The following PCDHGB2 variants were observed in gnomAD, a reference collection of about 807,000 sequenced individuals.
The protein encoded by PCDHGB2 is protocadherin gamma subfamily B, 2.
Under a neutral mutation model 59.3 loss-of-function variants are expected in PCDHGB2, and 55 were observed. The ratio of observed to expected loss-of-function variants is 0.93; its 90% CI spans 0.75 to 1.16. The LOEUF (loss-of-function observed/expected upper bound fraction) is 1.16, where lower values mean the gene tolerates loss of function less well. Among genes scored for constraint, PCDHGB2 ranks in the 50% most tolerant of loss-of-function variants. The pLI is 0.00. For missense variants in PCDHGB2, 1,228 were observed against 1,198.5 expected (o/e 1.02, Z -0.36); for synonymous variants, 516 against 512.0 (o/e 1.01, Z -0.11).
At chr5:141,365,390 A>G in intron 1 of PCDHGB2, 1 of 1,613,968 alleles carries the variant, frequency 6.2e-7, no homozygotes, top group Non-Finnish European at 8.5e-7. Flanking sequence ...CTCTCTGACC[A>G]GTTCGATCTC....
intron 1 of PCDHGB2, among the ~76,000 whole-genome samples, chr5:141,380,592 C>A (rs1776595781): frequency 6.6e-6 from 1 of 152,050 alleles, no homozygotes; most frequent in South Asian, 2.1e-4. Flanking sequence ...TAGTAAAGAT[C>A]TTTAATATTT....
chr5:141,415,062 G>C, intron 1 of PCDHGB2: 1 of 1,613,426 alleles, frequency 6.2e-7, no homozygotes, highest in Non-Finnish European at 8.5e-7. Context: ...ACACGGGCGA[G>C]GTGCGCACGG....
intron 1 of PCDHGB2, among the ~76,000 whole-genome samples, chr5:141,425,603 A>G (rs2096884807): frequency 6.6e-6 from 1 of 152,218 alleles, no homozygotes; most frequent in Non-Finnish European, 1.5e-5. Context: ...TATGCCCTAT[A>G]TAGCTTTCAG....
chr5:141,382,789 T>A, intron 1 of PCDHGB2: 1 of 924,650 alleles, frequency 1.1e-6, no homozygotes, highest in Non-Finnish European at 1.6e-6. Flanking sequence ...CAAGCCTCTA[T>A]CCTGCTGGAT....
At chr5:141,423,250 G>T in intron 1 of PCDHGB2, 1 of 1,613,954 alleles carries the variant, frequency 6.2e-7, no homozygotes, top group Non-Finnish European at 8.5e-7. Context: ...AGTCCTGGCG[G>T]ACCTCGGCAG....
At chr5:141,507,785 C>T (rs1203302886) in intron 3 of PCDHGB2, among the ~76,000 whole-genome samples, 1 of 152,222 alleles carries the variant, frequency 6.6e-6, no homozygotes, top group African/African-American at 2.4e-5. Context: ...GCCTGACCCT[C>T]GTCTAAGCCT....
intron 1 of PCDHGB2, chr5:141,410,847 G>GTA: frequency 1.9e-5 from 3 of 158,244 alleles, no homozygotes; most frequent in East Asian, 1.3e-4. Flanking sequence ...TTTTGTCTTT[G>GTA]TCTTTTTTTT....
At chr5:141,423,375 G>C in intron 1 of PCDHGB2, 1 of 1,614,192 alleles carries the variant, frequency 6.2e-7, no homozygotes, top group Non-Finnish European at 8.5e-7. Context: ...TGGCACTCAG[G>C]CTGTGGCGCT....
At position 141,491,828 on chromosome 5, in the gene PCDHGB2, G is replaced by C. The variant is rs1389234164; in HGVS notation, c.2422-2979G>C. ...CTTGGTCGCTGGCTGCGCTCCACCC[G>C]ATTCTCGGGATCATTGGACCGTTTG... On this transcript the variant is annotated intron_variant, in intron 1 of 3. Coordinates refer to ENST00000522605, the MANE Select transcript of PCDHGB2 (RefSeq NM_018923.3). The surrounding 1 kb of genome is among the most constrained non-coding windows in gnomAD (Gnocchi z 6.9). 4.1e-6 allele frequency: 6 copies of C among 1,475,668 alleles called. No homozygotes were observed. The highest frequency in any genetic ancestry group is 5.4e-6 in the Non-Finnish European group (6 of 1,113,522). 91.4% of individuals were successfully genotyped at this position (1,475,668 alleles called of 1,614,324 possible).
At position 141,489,385 on chromosome 5, in the gene PCDHGB2, G is replaced by C. The variant is rs893348832; in HGVS notation, c.2422-5422G>C. The stretch of plus-strand genomic sequence containing the variant: ...GCCGGGGACGCTGGTGGGGAATGTT[G>C]CTCAGGATCTGGGCTTAAAGATGAC... On this transcript the variant is annotated intron_variant, in intron 1 of 3. Transcript: ENST00000522605. This position sits in a 1 kb window ranked among gnomAD's most constrained non-coding sequence, Gnocchi z 4.5. The C allele has an allele frequency of 6.2e-7, 1 of 1,613,924 alleles. No individual in the cohort carries two copies. Among genetic ancestry groups the C allele is most frequent in the Non-Finnish European group, 8.5e-7 (1 of 1,179,896 alleles).
At position 141,362,044 on chromosome 5, in the gene PCDHGB2, G is replaced by A. The variant is rs571731822; in HGVS notation, c.1909G>A (p.Ala637Thr). ...AGCGCGTGCCTTGGGCGACAGGGAC[G>A]CGGCCCGCCAGCGCCTGCTGGTCGC... is the stretch of plus-strand genomic sequence containing the variant. ...RTARALGDRD[A>T]ARQRLLVAVR... Residue 637 changes from alanine to threonine, a missense_variant, in exon 1 of 4, where the codon GCG becomes ACG. Transcript: ENST00000522605. 12 of 1,610,458 alleles carry A rather than the reference G, an allele frequency of 7.5e-6. No homozygotes were observed. Among genetic ancestry groups the A allele is most frequent in the Non-Finnish European group, 1.0e-5 (12 of 1,179,498 alleles).
At chr5:141,365,471 G>C in intron 1 of PCDHGB2, 1 of 1,614,030 alleles carries the variant, frequency 6.2e-7, no homozygotes, top group South Asian at 1.1e-5. Flanking sequence ...AGAAAATGGT[G>C]AGATTGCATG....
chr5:141,428,121 G>A (rs764584436), intron 1 of PCDHGB2: 2 of 1,605,742 alleles, frequency 1.2e-6, no homozygotes, highest in Admixed American at 1.7e-5. Flanking sequence ...CATCGAGCCC[G>A]GGCTTTTCAG....
intron 2 of PCDHGB2, among the ~76,000 whole-genome samples, chr5:141,499,317 A>G (rs532848559): frequency 7.9e-5 from 12 of 152,354 alleles, no homozygotes; most frequent in Admixed American, 1.3e-4. Context: ...GAGAGACAGT[A>G]TCCCTGCTCT....
intron 1 of PCDHGB2, chr5:141,418,539 A>C (rs984639830): frequency 6.2e-7 from 1 of 1,614,034 alleles, no homozygotes; most frequent in East Asian, 2.2e-5. Flanking sequence ...GGTACTGCTC[A>C]GATAAGAATC....
chr5:141,361,731 G>A lies in PCDHGB2; in HGVS notation c.1596G>A (p.Leu532=). 1.9e-6 allele frequency: 3 copies of A among 1,613,190 alleles called. No homozygotes were observed. The highest frequency in any genetic ancestry group is 2.5e-6 in the Non-Finnish European group (3 of 1,179,786). The change falls in exon 1 of 4, where the codon CTG becomes CTA. Residue 532 remains leucine, a synonymous_variant. Coordinates refer to ENST00000522605, the MANE Select transcript of PCDHGB2 (RefSeq NM_018923.3). ...HEQLRAFELT[L]QARDQGSPAL... ...AGCTGCGCGCCTTCGAGCTCACACT[G>A]CAGGCCCGCGACCAGGGCTCGCCCG... is the stretch of plus-strand genomic sequence containing the variant.
At position 141,487,047 on chromosome 5, in the gene PCDHGB2, C is replaced by T; in HGVS notation, c.2422-7760C>T. The T allele has an allele frequency of 6.2e-7, 1 of 1,614,188 alleles. No individual in the cohort carries two copies. Among genetic ancestry groups the T allele is most frequent in the Non-Finnish European group, 8.5e-7 (1 of 1,180,032 alleles). ...AGCCTGTTTGCAGTCTCTCGATATGCTGGGGAGGTGCGGACGGCTGTTCCT... is the reference window on the plus strand; with the variant it reads ...AGCCTGTTTGCAGTCTCTCGATATGTTGGGGAGGTGCGGACGGCTGTTCCT... On this transcript the variant is annotated intron_variant, in intron 1 of 3. Coordinates refer to ENST00000522605, the MANE Select transcript of PCDHGB2 (RefSeq NM_018923.3). This position sits in a 1 kb window ranked among gnomAD's most constrained non-coding sequence, Gnocchi z 5.0.
chr5:141,372,052 A>G (rs1768353245), intron 1 of PCDHGB2: 2 of 1,613,472 alleles, frequency 1.2e-6, no homozygotes. Context: ...GTGTTGGTGG[A>G]CGACCGCAAC....
chr5:141,501,314 C>G, intron 2 of PCDHGB2, among the ~76,000 whole-genome samples: 1 of 151,728 alleles, frequency 6.6e-6, no homozygotes, highest in Non-Finnish European at 1.5e-5. Flanking sequence ...CACACACACA[C>G]ACACACACAC....
Sources: gnomAD v4.1 joint callset for allele counts (sites outside exome capture counted in the v4.1 genomes callset) on GRCh38, gnomAD v4.1.1 for gene constraint, Gnocchi (gnomAD v3.1) non-coding constraint, MANE v1.5 for transcripts, NCBI Gene and HGNC (gene_info 2026-07-23, HGNC 2026-07-21) for gene names.